CACNG2: variants seen among roughly 807,000 people sequenced by gnomAD.
CACNG2 encodes voltage-dependent calcium channel gamma-2 subunit.
CACNG2 carries 3 observed loss-of-function variants against 25.9 expected under a neutral mutation model. The observed-to-expected ratio is 0.12, with a 90% CI of 0.05 to 0.30. The LOEUF is 0.30. Among genes scored for constraint, CACNG2 ranks in the 10% least tolerant of loss-of-function variants. CACNG2 has a pLI of 1.00. For missense variants in CACNG2, 341 were observed against 432.5 expected, an observed-to-expected ratio of 0.79 and a Z score of 1.88; for synonymous variants, 167 against 173.3, an observed-to-expected ratio of 0.96 and a Z score of 0.29.
chr22:36,578,290 G>A (rs777897017), intron 2 of CACNG2, among the ~76,000 whole-genome samples: 76 of 151,330 alleles, frequency 5.0e-4, no homozygotes, highest in African/African-American at 1.6e-3. Flanking sequence ...CCCAGGAGGC[G>A]GAGGTTGCAG....
intron 1 of CACNG2, among the ~76,000 whole-genome samples, chr22:36,629,705 A>C (rs942678244): frequency 1.3e-4 from 20 of 152,314 alleles, no homozygotes; most frequent in African/African-American, 4.8e-4. Context: ...TCATTCATTC[A>C]TTCATTCAGC....
intron 1 of CACNG2, among the ~76,000 whole-genome samples, chr22:36,629,119 T>C (rs904441192): frequency 1.6e-4 from 24 of 152,152 alleles, no homozygotes; most frequent in African/African-American, 4.3e-4. Context: ...TAGGGGAACA[T>C]TGGGAGGGAA....
At chr22:36,681,302 C>G (rs1270305458) in intron 1 of CACNG2, among the ~76,000 whole-genome samples, 1 of 152,190 alleles carries the variant, frequency 6.6e-6, no homozygotes, top group Non-Finnish European at 1.5e-5. Flanking sequence ...AGAGACTGGA[C>G]TTTTCCTACC....
chr22:36,673,799 T>TTTACAAAGTACCTTACAGC (rs1936987086), intron 1 of CACNG2, among the ~76,000 whole-genome samples: 1 of 151,992 alleles, frequency 6.6e-6, no homozygotes, highest in Non-Finnish European at 1.5e-5. Flanking sequence ...TACTTTACAG[T>TTTACAAAGTACCTTACAGC]TTATGAAGCA....
intron 1 of CACNG2, among the ~76,000 whole-genome samples, chr22:36,653,690 A>G (rs940639985): frequency 3.9e-5 from 6 of 152,084 alleles, no homozygotes; most frequent in Admixed American, 1.3e-4. Flanking sequence ...GTGTCTGCAG[A>G]CATGGAAGGC....
intron 1 of CACNG2, among the ~76,000 whole-genome samples, chr22:36,668,405 C>A (rs1163179772): frequency 6.6e-6 from 1 of 152,192 alleles, no homozygotes; most frequent in South Asian, 2.1e-4. Flanking sequence ...CGAGAAGTCC[C>A]ACAGTATGCC....
intron 1 of CACNG2, among the ~76,000 whole-genome samples, chr22:36,618,828 G>C (rs1437220695): frequency 6.6e-6 from 1 of 152,170 alleles, no homozygotes; most frequent in Non-Finnish European, 1.5e-5. Context: ...GCTGAGGCAG[G>C]AGAACCACTT....
At chr22:36,684,313 G>A (rs1215815512) in intron 1 of CACNG2, among the ~76,000 whole-genome samples, 2 of 152,136 alleles carry the variant, frequency 1.3e-5, no homozygotes, top group Non-Finnish European at 2.9e-5. Flanking sequence ...ACAGGGGATC[G>A]ATTTAAAGAT....
intron 1 of CACNG2, among the ~76,000 whole-genome samples, chr22:36,652,300 A>G (rs979699000): frequency 1.3e-5 from 2 of 151,976 alleles, no homozygotes; most frequent in Non-Finnish European, 2.9e-5. Context: ...TTCCCCCGCC[A>G]TTCCCCACTG....
chr22:36,689,176 C>A (rs1357853900), intron 1 of CACNG2, among the ~76,000 whole-genome samples: 1 of 152,066 alleles, frequency 6.6e-6, no homozygotes, highest in Non-Finnish European at 1.5e-5. Flanking sequence ...TTGATACCTG[C>A]CTGTCTATTC....
intron 1 of CACNG2, among the ~76,000 whole-genome samples, chr22:36,593,600 C>T (rs1417453384): frequency 6.6e-6 from 1 of 152,120 alleles, no homozygotes. Context: ...TCTGCTGGCA[C>T]TGTGACCTAA....
intron 1 of CACNG2, among the ~76,000 whole-genome samples, chr22:36,609,481 C>T (rs954651537): frequency 1.5e-5 from 2 of 137,088 alleles, no homozygotes; most frequent in Non-Finnish European, 3.1e-5. Flanking sequence ...CAGGAATCAG[C>T]CCGTAGAGCG....
rs191712704 is a variant in CACNG2, at chr22:36,572,766, A to C, written c.296-6273T>G. Among the ~76,000 whole-genome samples the C allele has an allele frequency of 9.9e-5, 15 of 152,014 alleles. 1 individual carries two copies. Among genetic ancestry groups the C allele is most frequent in the African/African-American group, 2.9e-4 (12 of 41,470 alleles). On this transcript the variant is annotated intron_variant, in intron 2 of 3. Transcript: ENST00000300105. ...CTGGATGGGCTGGATTTGGCCTGCT[A>C]GTCATACTTGGCCAGCTGTGGCCAA...
chr22:36,686,105 G>A (rs977583928), intron 1 of CACNG2, among the ~76,000 whole-genome samples: 1 of 152,222 alleles, frequency 6.6e-6, no homozygotes, highest in African/African-American at 2.4e-5. Context: ...AACTGGCAGA[G>A]GCTGCAAATG....
chr22:36,616,590 G>A (rs995123191), intron 1 of CACNG2, among the ~76,000 whole-genome samples: 3 of 151,310 alleles, frequency 2.0e-5, no homozygotes, highest in African/African-American at 7.4e-5. Context: ...ATTGAGATCT[G>A]TAATCCATCT....
chr22:36,661,370 G>A (rs1936792671), intron 1 of CACNG2, among the ~76,000 whole-genome samples: 1 of 152,118 alleles, frequency 6.6e-6, no homozygotes, highest in South Asian at 2.1e-4. Flanking sequence ...GGAGAAGTGT[G>A]GACTTGCCCT....
At chr22:36,650,997 C>T (rs1191975692) in intron 1 of CACNG2, among the ~76,000 whole-genome samples, 1 of 152,116 alleles carries the variant, frequency 6.6e-6, no homozygotes, top group Non-Finnish European at 1.5e-5. Flanking sequence ...CTAAAGTCTT[C>T]CCTGTTCACT....
At chr22:36,593,197 T>G (rs1935622949) in intron 1 of CACNG2, among the ~76,000 whole-genome samples, 1 of 152,160 alleles carries the variant, frequency 6.6e-6, no homozygotes, top group Non-Finnish European at 1.5e-5. Context: ...CAACAGTATT[T>G]CAATATTTAA....
intron 1 of CACNG2, among the ~76,000 whole-genome samples, chr22:36,670,921 CTTTTTTT>C (rs746898344): frequency 7.5e-6 from 1 of 132,912 alleles, no homozygotes; most frequent in Non-Finnish European, 1.7e-5. Context: ...AGTCTATATT[CTTTTTTT>C]TTTTTTTTTG....
Sources: allele counts gnomAD v4.1 joint callset (sites outside exome capture counted in the v4.1 genomes callset), GRCh38; gene constraint gnomAD v4.1.1; transcripts MANE v1.5; gene names NCBI Gene and HGNC (gene_info 2026-07-23, HGNC 2026-07-21).